The following FCRL4 variants were observed in gnomAD, a reference collection of about 807,000 sequenced individuals.
FCRL4 encodes the protein Fc receptor like 4, also known as Fc receptor-like protein 4.
Under a neutral mutation model 64.1 loss-of-function variants are expected in FCRL4, and 43 were observed. The ratio of observed to expected loss-of-function variants is 0.67; its 90% CI spans 0.53 to 0.87. The LOEUF is 0.87. Among genes scored for constraint, FCRL4 ranks in the 40% least tolerant of loss-of-function variants. The pLI, the probability that FCRL4 is intolerant of heterozygous loss-of-function variation, is 0.00. For missense variants in FCRL4, 656 were observed against 613.5 expected (o/e 1.07, Z -0.73); for synonymous variants, 253 against 239.8 (o/e 1.05, Z -0.51).
chr1:157,575,469 C>G lies in FCRL4; in HGVS notation c.*55G>C, dbSNP rs1203291286. ...CGCAAGGACTGCACTGGGCCTGGGACTTTGGACAAGGGAGAAATCACATGA... is the reference window on the plus strand; with the variant it reads ...CGCAAGGACTGCACTGGGCCTGGGAGTTTGGACAAGGGAGAAATCACATGA... On this transcript the variant is annotated 3_prime_UTR_variant, in exon 12 of 12. Coordinates refer to ENST00000271532, the MANE Select transcript of FCRL4 (RefSeq NM_031282.3). 2.1e-6 allele frequency: 3 copies of G among 1,404,818 alleles called. No homozygotes were observed. Among genetic ancestry groups the G allele is most frequent in the Non-Finnish European group, 3.0e-6 (3 of 998,696 alleles). The allele number at this position is 1,404,818 out of a possible 1,614,324, so 87.0% of individuals were successfully genotyped here.
rs534661708 is a variant in FCRL4, at chr1:157,575,802, C to A, written c.1430-72G>T. ...TTAGAACTCAGTCTGTTAGCTGATGCCCTAGAGTCTGAGAGCCACTGGGCC... is the reference window on the plus strand; with the variant it reads ...TTAGAACTCAGTCTGTTAGCTGATGACCTAGAGTCTGAGAGCCACTGGGCC... On this transcript the variant is annotated intron_variant, in intron 10 of 11. Coordinates refer to ENST00000271532, the MANE Select transcript of FCRL4 (RefSeq NM_031282.3). 3.4e-6 allele frequency: 5 copies of A among 1,488,110 alleles called. 1 individual carries two copies. Among genetic ancestry groups the A allele is most frequent in the African/African-American group, 1.4e-5 (1 of 72,274 alleles). The allele number at this position is 1,488,110 out of a possible 1,614,324, so 92.2% of individuals were successfully genotyped here.
intron 3 of FCRL4, among the ~76,000 whole-genome samples, chr1:157,588,939 A>G (rs111233583): frequency 1.2e-3 from 182 of 152,380 alleles, no homozygotes; most frequent in African/African-American, 4.3e-3. Context: ...GATCTGAGAC[A>G]GCTTCATTTT....
At chr1:157,577,044 T>G (rs1202030748) in intron 10 of FCRL4, among the ~76,000 whole-genome samples, 3 of 152,216 alleles carry the variant, frequency 2.0e-5, no homozygotes, top group Non-Finnish European at 4.4e-5. Flanking sequence ...GCTTGTTTCC[T>G]TGACTCTAAG....
rs181925772 is a variant in FCRL4, at chr1:157,586,190, C to A, written c.1113G>T (p.Met371Ile). 6.2e-7 allele frequency: 1 copy of A among 1,611,662 alleles called. No individual in the cohort carries two copies. Among genetic ancestry groups the A allele is most frequent in the African/African-American group, 1.3e-5 (1 of 74,978 alleles). The stretch of plus-strand genomic sequence containing the variant: ...CACCTCTCACAGTGACATTCAGCAC[C>A]ATGCTCTGGACAGGGCCGTAGCTGT... Reference protein sequence around the residue: ...ADNSYGPVQSMVLNVTVRETP... With the variant: ...ADNSYGPVQSIVLNVTVRETP... Residue 371 changes from methionine to isoleucine, a missense_variant, in exon 6 of 12, where the codon ATG (methionine) becomes ATT (isoleucine). Coordinates refer to ENST00000271532, the MANE Select transcript of FCRL4 (RefSeq NM_031282.3).
intron 6 of FCRL4, among the ~76,000 whole-genome samples, chr1:157,583,746 G>A (rs1350000067): frequency 6.6e-6 from 1 of 152,190 alleles, no homozygotes; most frequent in Admixed American, 6.5e-5. Context: ...GGCAGTTCAA[G>A]CTGCCTGAGA....
Position 157,578,851 on chromosome 1 carries a change from G to A in FCRL4, c.1279C>T (p.Leu427Phe). ...TCTCCTGGGCCTGGAGCGGGAGGGAGCCTGTGAGACACAGAAACACATAAT... is the reference window on the plus strand; with the variant it reads ...TCTCCTGGGCCTGGAGCGGGAGGGAACCTGTGAGACACAGAAACACATAAT... ...GVGFLGDETR[L>F]PPAPGPGESS... is the part of the protein sequence containing the mutation. The change falls in exon 9 of 12, where the codon CTC (leucine) becomes TTC (phenylalanine). Residue 427 changes from leucine (L) to phenylalanine (F), a missense_variant and splice_region_variant. Physicochemically the swap from Leu to Phe is conservative, Grantham distance 22. Coordinates refer to ENST00000271532, the MANE Select transcript of FCRL4 (RefSeq NM_031282.3). 1 of 1,611,588 alleles carries A rather than the reference G, an allele frequency of 6.2e-7. No individual in the cohort carries two copies. The highest frequency in any genetic ancestry group is 8.5e-7 in the Non-Finnish European group (1 of 1,178,798).
chr1:157,586,180 C>T lies in FCRL4; in HGVS notation c.1123G>A (p.Val375Ile), dbSNP rs146229190. Residue 375 changes from valine to isoleucine, a missense_variant, in exon 6 of 12, where the codon GTC becomes ATC. Transcript: ENST00000271532. ...YGPVQSMVLN[V>I]TVRETPGNRD... Reference sequence around the variant, plus strand: ...GATTAAAACTCACCTCTCACAGTGACATTCAGCACCATGCTCTGGACAGGG... The same window carrying T: ...GATTAAAACTCACCTCTCACAGTGATATTCAGCACCATGCTCTGGACAGGG... The T allele has an allele frequency of 1.1e-5, 17 of 1,606,856 alleles. No individual in the cohort carries two copies. The African/African-American group carries it at 1.5e-4, about 14-fold the overall frequency.
In FCRL4 at chr1:157,578,521, A is replaced by T. The variant is rs779104597; in HGVS notation, c.1382T>A (p.Leu461Ter). Residue 461 changes from leucine to a stop codon, truncating the protein, a stop_gained, in exon 10 of 12, where the codon TTG (leucine) becomes TAG (stop). Transcript: ENST00000271532. LOFTEE classifies it high-confidence loss of function. The stretch of plus-strand genomic sequence containing the variant: ...AGTAGTCTGGATCTCAGAGTATACC[A>T]AATCTCCCTTTTTGGGGTGTACTGG... ...YVDVHPKKGDLVYSEIQTTQL... is the reference protein window; with the variant it reads ...YVDVHPKKGD 1 of 1,613,988 alleles carries T rather than the reference A, an allele frequency of 6.2e-7. No individual in the cohort carries two copies. Among genetic ancestry groups the T allele is most frequent in the South Asian group, 1.1e-5 (1 of 91,076 alleles).
chr1:157,583,991 T>G (rs2101679195), intron 6 of FCRL4, among the ~76,000 whole-genome samples: 1 of 152,246 alleles, frequency 6.6e-6, no homozygotes, highest in Non-Finnish European at 1.5e-5. Flanking sequence ...GAGAATAAAA[T>G]GAAATGATAC....
At position 157,573,956 on chromosome 1, in the gene FCRL4, C is replaced by T. The variant is rs2758680; in HGVS notation, c.*1568G>A. On this transcript the variant is annotated 3_prime_UTR_variant, in exon 12 of 12. Coordinates refer to ENST00000271532, the MANE Select transcript of FCRL4 (RefSeq NM_031282.3). ...AGTCAGGATCCAAACAAGACCCACA[C>T]ATTCCTTTTGGTCGACATGTCTCGT... 0.29 allele frequency: 56,864 copies of T among 197,932 alleles called. 8,440 individuals carry two copies. Among genetic ancestry groups the T allele is most frequent in the Middle Eastern group, 0.37 (219 of 588 alleles). The allele number at this position is 197,932 out of a possible 1,614,324, so 12.3% of individuals were successfully genotyped here.
rs144706531 is a variant in FCRL4 at position 157,580,329 on chromosome 1, G to A, written c.1269C>T (p.Asp423=). The A allele has an allele frequency of 3.2e-4, 517 of 1,613,954 alleles. No homozygotes were observed. The highest frequency in any genetic ancestry group is 4.2e-4 in the Non-Finnish European group (500 of 1,179,988). ...AGAAACTGAGGTCTCACCTGGTTTCGTCTCCCAAGAAACCAACTCCTGCAA... is the reference window on the plus strand; with the variant it reads ...AGAAACTGAGGTCTCACCTGGTTTCATCTCCCAAGAAACCAACTCCTGCAA... The part of the protein sequence containing the change: ...RRKSGVGFLG[D]ETRLPPAPGP... The change falls in exon 8 of 12, where the codon GAC becomes GAT. Residue 423 remains aspartate, a synonymous_variant. Transcript: ENST00000271532.
chr1:157,578,603 C>T, intron 9 of FCRL4, 61 bp from the exon 10 acceptor site: 1 of 1,450,820 alleles, frequency 6.9e-7, no homozygotes, highest in Non-Finnish European at 9.7e-7. Context: ...ACAGATGCCT[C>T]TTCCTAAGCA....
In FCRL4 at chr1:157,587,311, T is replaced by C. The variant is rs1354445187; in HGVS notation, c.812A>G (p.His271Arg). The C allele has an allele frequency of 1.9e-6, 3 of 1,614,114 alleles. No individual in the cohort carries two copies. Among genetic ancestry groups the C allele is most frequent in the Admixed American group, 3.3e-5 (2 of 60,006 alleles). ...CGAETVRGNI[H>R]KHSPSLQIHV... ...GATCTGTAGCGAGGGACTGTGCTTG[T>C]GGATGTTACCCCTCACTGTTTCAGC... Residue 271 changes from histidine to arginine, a missense_variant, in exon 5 of 12, where the codon CAC becomes CGC. Physicochemically the swap from His to Arg is conservative, Grantham distance 29 (BLOSUM62 0). Coordinates refer to ENST00000271532, the MANE Select transcript of FCRL4 (RefSeq NM_031282.3).
intron 2 of FCRL4, among the ~76,000 whole-genome samples, chr1:157,592,608 A>C (rs1652862641): frequency 6.6e-6 from 1 of 152,260 alleles, no homozygotes; most frequent in African/African-American, 2.4e-5. Flanking sequence ...GAGGATGTGA[A>C]GAAATGGAAA....
At position 157,589,421 on chromosome 1, in the gene FCRL4, T is replaced by C. The variant is rs62640947; in HGVS notation, c.90A>G (p.Pro30=). Residue 30 remains proline (P), a synonymous_variant, in exon 3 of 12, where the codon CCA becomes CCG. Transcript: ENST00000271532. ...AHKPVISVHP[P]WTTFFKGERV... is the part of the protein sequence containing the mutation. ...TCTCTCCTTTGAAGAATGTGGTCCA[T>C]GGAGGATGGACGGAAATCACAGGTT... is the stretch of plus-strand genomic sequence containing the variant. 3.3e-5 allele frequency: 53 copies of C among 1,614,008 alleles called. No homozygotes were observed. Among genetic ancestry groups the C allele is most frequent in the Non-Finnish European group, 4.0e-5 (47 of 1,180,006 alleles).
intron 1 of FCRL4, among the ~76,000 whole-genome samples, chr1:157,596,696 A>G (rs1652974881): frequency 6.6e-6 from 1 of 152,162 alleles, no homozygotes; most frequent in Non-Finnish European, 1.5e-5. Context: ...ATTTTTTAGT[A>G]TGGGGCTGCT....
At chr1:157,581,716 G>A in intron 6 of FCRL4, 72 bp from the exon 7 acceptor site, 2 of 1,187,100 alleles carry the variant, frequency 1.7e-6, no homozygotes, top group South Asian at 1.3e-5. Flanking sequence ...CCTCAGCTTG[G>A]TTGGGTAACG....
At chr1:157,592,331 T>A (rs1038859991) in intron 2 of FCRL4, among the ~76,000 whole-genome samples, 1 of 151,688 alleles carries the variant, frequency 6.6e-6, no homozygotes, top group Non-Finnish European at 1.5e-5. Flanking sequence ...GGGAGAAAAA[T>A]TTTGCAATCT....
In FCRL4 at chr1:157,587,326, A is replaced by C; in HGVS notation, c.797T>G (p.Val266Gly). The C allele has an allele frequency of 2.5e-6, 4 of 1,614,074 alleles. No individual in the cohort carries two copies. Among genetic ancestry groups the C allele is most frequent in the Non-Finnish European group, 3.4e-6 (4 of 1,180,012 alleles). ...ACTGTGCTTGTGGATGTTACCCCTC[A>C]CTGTTTCAGCACCACACCAATAGGA... ...SGSYWCGAETVRGNIHKHSPS... is the reference protein window; with the variant it reads ...SGSYWCGAETGRGNIHKHSPS... The change falls in exon 5 of 12, where the codon GTG (valine) becomes GGG (glycine). Residue 266 changes from valine to glycine, a missense_variant. Physicochemically the swap from Val to Gly is moderately radical, Grantham distance 109. Transcript: ENST00000271532.
Sources: allele counts gnomAD v4.1 joint callset (sites outside exome capture counted in the v4.1 genomes callset), GRCh38; gene constraint gnomAD v4.1.1; transcripts MANE v1.5; gene names NCBI Gene and HGNC (gene_info 2026-07-23, HGNC 2026-07-21).